RBFOX1: variants seen among roughly 807,000 people sequenced by gnomAD.
The protein encoded by RBFOX1 is RNA binding fox-1 homolog 1.
A neutral mutation model predicts 57.7 loss-of-function variants in RBFOX1; 8 were observed. That is an observed-to-expected ratio of 0.14 (90% CI 0.08 to 0.25). RBFOX1 has a LOEUF of 0.25. Among genes scored for constraint, RBFOX1 ranks in the 10% least tolerant of loss-of-function variants. The pLI, the probability that RBFOX1 is intolerant of heterozygous loss-of-function variation, is 1.00. For missense variants in RBFOX1, 611 were observed against 548.5 expected (o/e 1.11, Z -1.14); for synonymous variants, 326 against 222.4 (o/e 1.47, Z -4.15).
intron 3 of RBFOX1, among the ~76,000 whole-genome samples, chr16:5,867,011 A>T (rs1436114): frequency 0.22 from 32,822 of 152,082 alleles, 3,847 homozygotes; most frequent in African/African-American, 0.28. Context: ...CAGTACATGG[A>T]CATTGCTCAC....
chr16:6,435,134 G>T (rs1358259586), intron 2 of RBFOX1, among the ~76,000 whole-genome samples: 2 of 151,980 alleles, frequency 1.3e-5, no homozygotes, highest in African/African-American at 4.8e-5. Flanking sequence ...AATGGAAGAG[G>T]ATTTGCTTGC....
chr16:5,405,013 C>T (rs2066823478), intron 1 of RBFOX1, among the ~76,000 whole-genome samples: 3 of 152,214 alleles, frequency 2.0e-5, no homozygotes, highest in Admixed American at 2.0e-4. Flanking sequence ...TGCAATAATT[C>T]ATTCTGTGAG....
chr16:6,854,839 C>T (rs1361258162), intron 3 of RBFOX1, among the ~76,000 whole-genome samples: 1 of 152,038 alleles, frequency 6.6e-6, no homozygotes, highest in African/African-American at 2.4e-5. Flanking sequence ...CGTGATCCGC[C>T]TGCCTCGGCC....
At chr16:5,558,639 A>C (rs1347441641) in intron 2 of RBFOX1, among the ~76,000 whole-genome samples, 2 of 152,122 alleles carry the variant, frequency 1.3e-5, no homozygotes, top group Non-Finnish European at 2.9e-5. Flanking sequence ...GAATAGTTTC[A>C]GTCTTGAGCA....
intron 1 of RBFOX1, among the ~76,000 whole-genome samples, chr16:6,176,380 A>G (rs2097009415): frequency 6.8e-6 from 1 of 147,392 alleles, no homozygotes; most frequent in Admixed American, 6.9e-5. Context: ...GCTGGTCTCA[A>G]ACTCCTGACC....
chr16:6,068,282 G>A (rs1373162669), intron 1 of RBFOX1, among the ~76,000 whole-genome samples: 1 of 152,164 alleles, frequency 6.6e-6, no homozygotes, highest in Non-Finnish European at 1.5e-5. Context: ...TTTGTTTTCA[G>A]GAATGTGGCA....
At chr16:5,998,211 C>T (rs1244048116) in intron 4 of RBFOX1, among the ~76,000 whole-genome samples, 1 of 152,188 alleles carries the variant, frequency 6.6e-6, no homozygotes, top group South Asian at 2.1e-4. Context: ...CATGAACATA[C>T]ACTAGATTCC....
intron 3 of RBFOX1, among the ~76,000 whole-genome samples, chr16:5,823,724 C>T (rs1178073918): frequency 2.6e-5 from 4 of 152,186 alleles, no homozygotes; most frequent in African/African-American, 9.7e-5. Context: ...ATCTAGGTTG[C>T]ATGCTCCTTA....
chr16:7,671,361 T>C (rs755106907), intron 13 of RBFOX1, among the ~76,000 whole-genome samples: 46 of 152,192 alleles, frequency 3.0e-4, no homozygotes, highest in Non-Finnish European at 5.9e-4. Flanking sequence ...ATACTCTCCA[T>C]TGCAGAGATT....
At chr16:5,799,046 A>G (rs967439616) in intron 3 of RBFOX1, among the ~76,000 whole-genome samples, 1 of 152,170 alleles carries the variant, frequency 6.6e-6, no homozygotes, top group Non-Finnish European at 1.5e-5. Flanking sequence ...GAGACTGGGT[A>G]ATTTGTAAAG....
chr16:6,539,167 C>G (rs1599243405), intron 2 of RBFOX1, among the ~76,000 whole-genome samples: 1 of 151,816 alleles, frequency 6.6e-6, no homozygotes, highest in African/African-American at 2.4e-5. Context: ...CTGTTCTTCT[C>G]CTTGGCGGGA....
At chr16:7,484,393 C>T (rs1331476898) in intron 4 of RBFOX1, among the ~76,000 whole-genome samples, 1 of 152,130 alleles carries the variant, frequency 6.6e-6, no homozygotes. Context: ...ATTTAACATT[C>T]TAGGATACCA....
intron 3 of RBFOX1, among the ~76,000 whole-genome samples, chr16:6,846,162 A>G (rs1403623012): frequency 6.6e-6 from 1 of 152,180 alleles, no homozygotes; most frequent in Non-Finnish European, 1.5e-5. Context: ...AGCTGCTTAC[A>G]CGGTGGCCCA....
intron 3 of RBFOX1, among the ~76,000 whole-genome samples, chr16:6,715,639 T>C (rs1257749344): frequency 6.6e-6 from 1 of 152,166 alleles, no homozygotes; most frequent in Non-Finnish European, 1.5e-5. Context: ...CCTCATCTCC[T>C]ATCCGGATAA....
At chr16:5,375,380 G>C (rs1451754678) in intron 1 of RBFOX1, among the ~76,000 whole-genome samples, 1 of 152,174 alleles carries the variant, frequency 6.6e-6, no homozygotes, top group African/African-American at 2.4e-5. Context: ...GCAGCCAAGG[G>C]GCATGGAGAC....
rs2059413726 is a variant in RBFOX1, at chr16:5,947,024, C to A, written c.351+79689C>A. 1.3e-5 allele frequency among the ~76,000 whole-genome samples: 2 copies of A among 152,102 alleles called. No homozygotes were observed. Among genetic ancestry groups the A allele is most frequent in the Admixed American group, 1.3e-4 (2 of 15,280 alleles). ...GCCAGGAGTTTGAGACCAGCTCTAG[C>A]AATATAGTGACACCCCATCTGTACA... is the stretch of plus-strand genomic sequence containing the variant. On this transcript the variant is annotated intron_variant, in intron 4 of 19. Transcript: ENST00000641259. This position sits in a 1 kb window ranked among gnomAD's most constrained non-coding sequence, Gnocchi z 7.2.
intron 14 of RBFOX1, among the ~76,000 whole-genome samples, chr16:7,701,756 T>G (rs1300117704): frequency 6.6e-6 from 1 of 152,170 alleles, no homozygotes; most frequent in African/African-American, 2.4e-5. Context: ...CAGAGGAGTA[T>G]TTCCCTAAAT....
chr16:6,037,449 G>C (rs2095379530), intron 1 of RBFOX1: 1 of 148,426 alleles, frequency 6.7e-6, no homozygotes, highest in African/African-American at 2.5e-5. Context: ...AATTTATGTT[G>C]ATTTTTCAAT....
chr16:6,019,228 T>G lies in RBFOX1; in HGVS notation c.-891T>G. ...CCTACAAGCGCTCTTGCTGGCCGTC[T>G]GGGTGCACACACCGCTCCCTCGATC... On this transcript the variant is annotated 5_prime_UTR_variant, in exon 1 of 16. Coordinates refer to ENST00000550418, the MANE Select transcript of RBFOX1 (RefSeq NM_018723.4). The surrounding 1 kb of genome is among the most constrained non-coding windows in gnomAD (Gnocchi z 4.2). 2 of 985,192 alleles carry G rather than the reference T, an allele frequency of 2.0e-6. No homozygotes were observed. The highest frequency in any genetic ancestry group is 2.4e-6 in the Non-Finnish European group (2 of 829,966). 61.0% of individuals were successfully genotyped at this position (985,192 alleles called of 1,614,324 possible).
Sources: gnomAD v4.1 joint callset for allele counts (sites outside exome capture counted in the v4.1 genomes callset) on GRCh38, gnomAD v4.1.1 for gene constraint, Gnocchi (gnomAD v3.1) non-coding constraint, MANE v1.5 for transcripts, NCBI Gene and HGNC (gene_info 2026-07-23, HGNC 2026-07-21) for gene names.